Variants in HIP1 observed in about 807,000 individuals in gnomAD.
The protein encoded by HIP1 is huntingtin-interacting protein 1.
In HIP1, 65 loss-of-function variants were observed where a neutral mutation model predicts 147.6. That is an observed-to-expected ratio of 0.44 (90% CI 0.36 to 0.54). HIP1 has a LOEUF of 0.54. Ranked by LOEUF, HIP1 falls within the 20% of genes least tolerant of loss-of-function variation. The pLI, the probability that HIP1 is intolerant of heterozygous loss-of-function variation, is 0.00. For synonymous variants in HIP1, 479 were observed against 504.0 expected, an observed-to-expected ratio of 0.95 and a Z score of 0.67; for missense variants, 1,061 against 1,299.6, an observed-to-expected ratio of 0.82 and a Z score of 2.82.
chr7:75,717,114 C>T (rs782805027), intron 1 of HIP1, among the ~76,000 whole-genome samples: 2 of 152,148 alleles, frequency 1.3e-5, no homozygotes, highest in African/African-American at 2.4e-5. Flanking sequence ...TCACCATGCC[C>T]GGCCAATTCC....
At chr7:75,671,935 G>A (rs959383932) in intron 1 of HIP1, among the ~76,000 whole-genome samples, 11 of 151,892 alleles carry the variant, frequency 7.2e-5, no homozygotes, top group Non-Finnish European at 1.3e-4. Context: ...GATTTTCACC[G>A]TGTTGGTCAG....
chr7:75,574,717 C>T (rs1466655997), intron 7 of HIP1, among the ~76,000 whole-genome samples: 1 of 152,074 alleles, frequency 6.6e-6, no homozygotes, highest in Non-Finnish European at 1.5e-5. Context: ...TCAGAATATT[C>T]AGTGCATCAT....
intron 1 of HIP1, among the ~76,000 whole-genome samples, chr7:75,637,986 CCCCCCCCACACACACACATACACACA>C (rs1798489275): frequency 1.9e-5 from 1 of 54,008 alleles, no homozygotes; most frequent in African/African-American, 1.0e-4. Context: ...GACCCCCCCC[CCCCCCCCACACACACACATACACACA>C]CACACACACA....
In HIP1 at chr7:75,592,367, C is replaced by A; in HGVS notation, c.327+5G>T. ...CCCTGCCACCCCATAGCCCCAGGAACTCACGTTCGGGTGTCCATCTCGGAG... is the reference window on the plus strand; with the variant it reads ...CCCTGCCACCCCATAGCCCCAGGAAATCACGTTCGGGTGTCCATCTCGGAG... On this transcript the variant is annotated splice_donor_5th_base_variant and intron_variant, in intron 3 of 30. Transcript: ENST00000336926. 3 of 1,601,728 alleles carry A rather than the reference C, an allele frequency of 1.9e-6. No individual in the cohort carries two copies. The highest frequency in any genetic ancestry group is 2.6e-6 in the Non-Finnish European group (3 of 1,175,158).
chr7:75,615,407 A>T (rs1797619625), intron 1 of HIP1, among the ~76,000 whole-genome samples: 1 of 152,008 alleles, frequency 6.6e-6, no homozygotes, highest in East Asian at 1.9e-4. Context: ...ATGAAAATTT[A>T]GCTGGGGATG....
Position 75,568,143 on chromosome 7 carries a change from AATG to A in HIP1, c.803+53_803+55del. The A allele has an allele frequency of 8.8e-6, 11 of 1,250,320 alleles. 1 individual carries two copies. The South Asian group carries it at 1.3e-4, about 15-fold the overall frequency. 77.5% of individuals were successfully genotyped at this position (1,250,320 alleles called of 1,614,324 possible). ...CTCTCACAGTGCACTTGCATGGCTTAATGATTTTATAGCGCTCTTGAATTCACC... is the reference window on the plus strand; with the variant it reads ...CTCTCACAGTGCACTTGCATGGCTTAATTTTATAGCGCTCTTGAATTCACC... On this transcript the variant is annotated intron_variant, in intron 9 of 30. Coordinates refer to ENST00000336926, the MANE Select transcript of HIP1 (RefSeq NM_005338.7). This position sits in a 1 kb window ranked among gnomAD's most constrained non-coding sequence, Gnocchi z 4.1.
intron 1 of HIP1, among the ~76,000 whole-genome samples, chr7:75,706,505 T>A (rs1429166857): frequency 4.8e-5 from 7 of 146,114 alleles, no homozygotes; most frequent in East Asian, 1.9e-4. Context: ...TTTTTTTATT[T>A]TTTATTTATT....
At chr7:75,713,027 T>G (rs1801205917) in intron 1 of HIP1, among the ~76,000 whole-genome samples, 1 of 152,234 alleles carries the variant, frequency 6.6e-6, no homozygotes, top group Non-Finnish European at 1.5e-5. Flanking sequence ...CTCAACACAT[T>G]TCCTCAGTAG....
Position 75,562,093 on chromosome 7 carries a change from A to G in HIP1, c.1098T>C (p.Asn366=). Residue 366 remains asparagine, a synonymous_variant, in exon 12 of 31, where the codon AAT becomes AAC. Transcript: ENST00000336926. The part of the protein sequence containing the change: ...SSDPFNFNSQ[N]GVNKDEKDHL... ...CTCACTTCTCATCCTTGTTCACACC[A>G]TTTTGACTGTTGAAATTGAAGGGAT... 6.2e-7 allele frequency: 1 copy of G among 1,611,254 alleles called. No homozygotes were observed. Among genetic ancestry groups the G allele is most frequent in the South Asian group, 1.1e-5 (1 of 91,028 alleles).
chr7:75,664,782 G>A (rs1430921562), intron 1 of HIP1, among the ~76,000 whole-genome samples: 4 of 152,038 alleles, frequency 2.6e-5, no homozygotes, highest in African/African-American at 4.8e-5. Context: ...CACCACGTCC[G>A]ACTAATTTTT....
At chr7:75,695,574 T>G (rs934548982) in intron 1 of HIP1, among the ~76,000 whole-genome samples, 2 of 148,606 alleles carry the variant, frequency 1.3e-5, no homozygotes, top group Admixed American at 6.7e-5. Context: ...ACCAGTTTTT[T>G]TTGTTGTTGT....
intron 1 of HIP1, among the ~76,000 whole-genome samples, chr7:75,623,535 C>G (rs1797931319): frequency 6.6e-6 from 1 of 152,286 alleles, no homozygotes; most frequent in Non-Finnish European, 1.5e-5. Context: ...AGGGCAGTGC[C>G]AGTTTTCACA....
intron 1 of HIP1, among the ~76,000 whole-genome samples, chr7:75,602,079 C>T (rs1049502254): frequency 6.6e-6 from 1 of 151,248 alleles, no homozygotes; most frequent in Non-Finnish European, 1.5e-5. Context: ...CAGCTCACTG[C>T]AAACTCCGCC....
intron 1 of HIP1, among the ~76,000 whole-genome samples, chr7:75,732,914 G>C (rs552871500): frequency 6.6e-5 from 10 of 152,084 alleles, no homozygotes; most frequent in Non-Finnish European, 1.5e-4. Context: ...GAGCCCCAAG[G>C]CTTGTCCAGG....
chr7:75,565,163 A>G (rs1282567885), intron 9 of HIP1, among the ~76,000 whole-genome samples: 1 of 152,196 alleles, frequency 6.6e-6, no homozygotes, highest in Non-Finnish European at 1.5e-5. Context: ...TCAGATCCCA[A>G]GACTTAGGCC....
chr7:75,673,754 G>A lies in HIP1; in HGVS notation c.120+65047C>T, dbSNP rs967737813. 4.0e-5 allele frequency among the ~76,000 whole-genome samples: 6 copies of A among 148,704 alleles called. No individual in the cohort carries two copies. In the Admixed American group the frequency reaches 4.2e-4, roughly 10 times the overall value. On this transcript the variant is annotated intron_variant, in intron 1 of 30. Transcript: ENST00000336926. ...AGTTCCAGCACTTTGGGAGGTCAAG[G>A]TGGGTGGATTGCTTGAGCCTGGAGT...
intron 1 of HIP1, among the ~76,000 whole-genome samples, chr7:75,679,834 C>A (rs1311016861): frequency 6.6e-6 from 1 of 152,150 alleles, no homozygotes; most frequent in Non-Finnish European, 1.5e-5. Context: ...ATCTCTCTGA[C>A]CTCCAGATCT....
At chr7:75,564,097 G>T (rs1554495078) in intron 9 of HIP1, among the ~76,000 whole-genome samples, 1 of 152,030 alleles carries the variant, frequency 6.6e-6, no homozygotes, top group Non-Finnish European at 1.5e-5. Flanking sequence ...TTGCTGTGTT[G>T]CCCAGGCTGG....
At chr7:75,575,049 T>C (rs1795795894) in intron 7 of HIP1, among the ~76,000 whole-genome samples, 1 of 152,176 alleles carries the variant, frequency 6.6e-6, no homozygotes, top group South Asian at 2.1e-4. Context: ...TCCCAGCTAC[T>C]TGGGAAGCTG....
Sources: gnomAD v4.1 joint callset for allele counts (sites outside exome capture counted in the v4.1 genomes callset) on GRCh38, gnomAD v4.1.1 for gene constraint, Gnocchi (gnomAD v3.1) non-coding constraint, MANE v1.5 for transcripts, NCBI Gene and HGNC (gene_info 2026-07-23, HGNC 2026-07-21) for gene names.